Variants in PRKACB observed in about 807,000 individuals in gnomAD.
PRKACB encodes the protein cAMP-dependent protein kinase catalytic subunit beta.
A neutral mutation model predicts 51.4 loss-of-function variants in PRKACB; 16 were observed. The ratio of observed to expected loss-of-function variants is 0.31; its 90% CI spans 0.21 to 0.47. The LOEUF is 0.47. Ranked by LOEUF, PRKACB falls within the 20% of genes least tolerant of loss-of-function variation. The pLI, the probability that PRKACB is intolerant of heterozygous loss-of-function variation, is 1.00. For synonymous variants in PRKACB, 147 were observed against 154.4 expected (o/e 0.95, Z 0.35); for missense variants, 309 against 464.5 (o/e 0.67, Z 3.08).
intron 1 of PRKACB, among the ~76,000 whole-genome samples, chr1:84,097,072 TCTTTA>T (rs914390315): frequency 3.9e-5 from 6 of 152,112 alleles, no homozygotes; most frequent in Non-Finnish European, 8.8e-5. Context: ...AAGGTAGGGT[TCTTTA>T]CTTTTTGTTA....
At chr1:84,170,042 T>G (rs1658910186) in intron 1 of PRKACB, among the ~76,000 whole-genome samples, 1 of 151,690 alleles carries the variant, frequency 6.6e-6, no homozygotes, top group Non-Finnish European at 1.5e-5. Flanking sequence ...TACCTGAATT[T>G]ACCCTTTAAG....
intron 9 of PRKACB, among the ~76,000 whole-genome samples, chr1:84,226,834 A>G (rs368275660): frequency 6.6e-6 from 1 of 152,162 alleles, no homozygotes; most frequent in Admixed American, 6.5e-5. Flanking sequence ...TCATTTCTAT[A>G]ATTTGTTGCC....
chr1:84,226,172 A>G (rs1179119806), intron 9 of PRKACB, among the ~76,000 whole-genome samples: 1 of 151,916 alleles, frequency 6.6e-6, no homozygotes, highest in African/African-American at 2.4e-5. Flanking sequence ...ATTATTTTAG[A>G]GTCAAGTTAG....
chr1:84,132,373 T>G (rs1451585366), intron 1 of PRKACB, among the ~76,000 whole-genome samples: 2 of 152,154 alleles, frequency 1.3e-5, no homozygotes, highest in Non-Finnish European at 2.9e-5. Context: ...TTCTGACATC[T>G]ATAGCAAACA....
intron 1 of PRKACB, chr1:84,173,336 A>G: frequency 6.3e-7 from 1 of 1,575,028 alleles, no homozygotes; most frequent in East Asian, 2.3e-5. Flanking sequence ...AAGCACGCAA[A>G]TCATCAGATG....
intron 5 of PRKACB, among the ~76,000 whole-genome samples, chr1:84,194,228 A>T (rs1667582882): frequency 6.6e-6 from 1 of 152,180 alleles, no homozygotes; most frequent in African/African-American, 2.4e-5. Flanking sequence ...TTAACTTTAT[A>T]TAATTGGTAA....
chr1:84,185,225 G>A (rs766290184), intron 5 of PRKACB, 43 bp downstream of exon 5: 5 of 1,370,160 alleles, frequency 3.6e-6, no homozygotes, highest in Admixed American at 2.7e-5. Context: ...ATATGCTTGT[G>A]TTGTTTAACC....
chr1:84,165,366 C>G (rs1288091884), intron 1 of PRKACB, among the ~76,000 whole-genome samples: 1 of 151,724 alleles, frequency 6.6e-6, no homozygotes, highest in Non-Finnish European at 1.5e-5. Context: ...ATTAGTTTAA[C>G]TTTCCTTTGA....
rs557560603 is a variant in PRKACB at position 84,146,115 on chromosome 1, C to A, written c.187+1567C>A. Among the ~76,000 whole-genome samples, 303 of 149,910 alleles carry A rather than the reference C, an allele frequency of 2.0e-3. 2 individuals carry two copies. Among genetic ancestry groups the A allele is most frequent in the Middle Eastern group, 7.0e-3 (2 of 286 alleles). ...AGTAATGGAAAATAGTATCATGAGC[C>A]ATGATTTCTATTGGATAAAATGCTG... On this transcript the variant is annotated intron_variant, in intron 1 of 9. Coordinates refer to ENST00000370685, the MANE Select transcript of PRKACB (RefSeq NM_182948.4).
chr1:84,091,944 A>C (rs999913217), intron 1 of PRKACB, among the ~76,000 whole-genome samples: 1 of 152,206 alleles, frequency 6.6e-6, no homozygotes, highest in East Asian at 1.9e-4. Context: ...TAACAATAAC[A>C]GTGGGAGCCA....
intron 3 of PRKACB, among the ~76,000 whole-genome samples, 194 bp downstream of exon 3, chr1:84,182,522 C>T (rs1453485100): frequency 1.3e-5 from 2 of 151,892 alleles, no homozygotes; most frequent in African/African-American, 2.4e-5. Flanking sequence ...CCTTCCATAT[C>T]TATGGGTTCC....
In PRKACB at chr1:84,112,255, C is replaced by T. The variant is rs113266128; in HGVS notation, c.46+33884C>T. Among the ~76,000 whole-genome samples the T allele has an allele frequency of 2.2e-3, 267 of 119,188 alleles. 1 individual carries two copies. Among genetic ancestry groups the T allele is most frequent in the African/African-American group, 8.2e-3 (250 of 30,348 alleles). The allele number at this position is 119,188 out of a possible 152,430, so 78.2% of individuals were successfully genotyped here. A position where few individuals can be genotyped will look rare whatever the true frequency, so the allele number is the denominator to read the frequency against. ...TTTTTTTTTTTTTTTTTGTTTGATA[C>T]GGAATCTCACTCTGTCTCCCAGGCC... On this transcript the variant is annotated intron_variant, in intron 1 of 8. Coordinates refer to the PRKACB transcript ENST00000370688.
intron 1 of PRKACB, among the ~76,000 whole-genome samples, chr1:84,131,132 G>A (rs1652144286): frequency 6.6e-6 from 1 of 152,060 alleles, no homozygotes; most frequent in Admixed American, 6.6e-5. Context: ...TGAGGCAGGG[G>A]GATCACCTGA....
At chr1:84,148,268 C>G (rs2100622520) in intron 1 of PRKACB, among the ~76,000 whole-genome samples, 1 of 152,182 alleles carries the variant, frequency 6.6e-6, no homozygotes, top group East Asian at 1.9e-4. Context: ...ACCAATGTAT[C>G]CTATTCATCT....
At chr1:84,086,170 C>T (rs567372135) in intron 1 of PRKACB, 2 of 1,598,424 alleles carry the variant, frequency 1.3e-6, no homozygotes, top group Admixed American at 1.7e-5. Context: ...ATGTGGTGGA[C>T]AAGTTTGTGG....
At chr1:84,144,609 T>C (rs1398671087) in intron 1 of PRKACB, 61 bp downstream of exon 1, 5 of 1,468,418 alleles carry the variant, frequency 3.4e-6, no homozygotes, top group Non-Finnish European at 4.6e-6. Flanking sequence ...ATTGGAGTTT[T>C]ACAATCAAAC....
chr1:84,132,286 T>C (rs1369962499), intron 1 of PRKACB, among the ~76,000 whole-genome samples: 1 of 152,186 alleles, frequency 6.6e-6, no homozygotes, highest in East Asian at 1.9e-4. Flanking sequence ...ATGGACTCTT[T>C]TTCTGAGGAA....
intron 9 of PRKACB, among the ~76,000 whole-genome samples, chr1:84,232,873 C>A (rs12139513): frequency 0.088 from 13,422 of 152,134 alleles, 699 homozygotes; most frequent in African/African-American, 0.14. Context: ...TCCAATTTGC[C>A]AAGTCTGTGT....
intron 1 of PRKACB, among the ~76,000 whole-genome samples, chr1:84,170,491 A>G (rs980363288): frequency 6.6e-6 from 1 of 151,650 alleles, no homozygotes; most frequent in Non-Finnish European, 1.5e-5. Flanking sequence ...TGTGTGGTCT[A>G]GGAACAACCA....
Sources: allele counts gnomAD v4.1 joint callset (sites outside exome capture counted in the v4.1 genomes callset), GRCh38; gene constraint gnomAD v4.1.1; transcripts MANE v1.5; gene names NCBI Gene and HGNC (gene_info 2026-07-23, HGNC 2026-07-21).